The following SUPT3H variants were observed in gnomAD, a reference collection of about 807,000 sequenced individuals.
SUPT3H encodes transcription initiation protein SPT3 homolog.
SUPT3H carries 44 observed loss-of-function variants against 44.3 expected under a neutral mutation model. The ratio of observed to expected loss-of-function variants is 0.99; its 90% CI spans 0.78 to 1.28. SUPT3H has a LOEUF of 1.28. SUPT3H is among the 50% of genes most tolerant of loss of function. The probability of loss-of-function intolerance (pLI) is 0.00; values close to 1 mark genes in which losing one functional copy is unlikely to be tolerated. For synonymous variants in SUPT3H, 124 were observed against 125.6 expected (o/e 0.99, Z 0.09); for missense variants, 380 against 387.1 (o/e 0.98, Z 0.15).
At chr6:45,241,378 G>A (rs140412010) in intron 2 of SUPT3H, among the ~76,000 whole-genome samples, 218 of 152,284 alleles carry the variant, frequency 1.4e-3, no homozygotes, top group African/African-American at 4.7e-3. Context: ...ACTTAAAGGC[G>A]TTCTTAAACC....
chr6:45,175,546 C>A (rs1584027804), intron 2 of SUPT3H, among the ~76,000 whole-genome samples: 1 of 152,218 alleles, frequency 6.6e-6, no homozygotes, highest in Admixed American at 6.5e-5. Flanking sequence ...GGACACAAAG[C>A]CTAGCCATAT....
chr6:45,300,910 T>C (rs776628714), intron 2 of SUPT3H, among the ~76,000 whole-genome samples: 1 of 152,098 alleles, frequency 6.6e-6, no homozygotes, highest in African/African-American at 2.4e-5. Flanking sequence ...GCAACAAAAC[T>C]GTGGGTTCAG....
intron 2 of SUPT3H, among the ~76,000 whole-genome samples, chr6:45,359,553 T>C (rs1793861314): frequency 2.0e-5 from 3 of 152,170 alleles, no homozygotes; most frequent in Admixed American, 2.0e-4. Flanking sequence ...AAAAGTAGGA[T>C]AGACATTTAA....
At chr6:45,325,200 T>C (rs1786159854) in intron 2 of SUPT3H, among the ~76,000 whole-genome samples, 1 of 151,884 alleles carries the variant, frequency 6.6e-6, no homozygotes, top group Admixed American at 6.6e-5. Flanking sequence ...CATTTTCTCC[T>C]TTGTTTTTCA....
In SUPT3H at chr6:44,827,213, A is replaced by G. The variant is rs1049351109; in HGVS notation, c.*2603T>C. 1.3e-5 allele frequency among the ~76,000 whole-genome samples: 2 copies of G among 152,188 alleles called. No homozygotes were observed. The highest frequency in any genetic ancestry group is 2.4e-5 in the African/African-American group (1 of 41,454). ...CTTAGAGTTAAGCCTGATGTGTAAGATAACAGACTGTTTACTTAATACCAC... is the reference window on the plus strand; with the variant it reads ...CTTAGAGTTAAGCCTGATGTGTAAGGTAACAGACTGTTTACTTAATACCAC... On this transcript the variant is annotated 3_prime_UTR_variant, in exon 11 of 11. Coordinates refer to ENST00000371459, the MANE Select transcript of SUPT3H (RefSeq NM_003599.4).
At chr6:45,225,641 G>A (rs184271079) in intron 2 of SUPT3H, among the ~76,000 whole-genome samples, 1 of 152,060 alleles carries the variant, frequency 6.6e-6, no homozygotes, top group East Asian at 1.9e-4. Flanking sequence ...ATGTTTTTTG[G>A]CAACCCTGCA....
At chr6:44,886,245 C>G (rs1181088401) in intron 10 of SUPT3H, among the ~76,000 whole-genome samples, 2 of 151,992 alleles carry the variant, frequency 1.3e-5, no homozygotes, top group South Asian at 2.1e-4. Context: ...GGCCAACGTT[C>G]AGATTCAGGA....
At chr6:45,120,515 A>C (rs548919324) in intron 2 of SUPT3H, among the ~76,000 whole-genome samples, 1 of 151,874 alleles carries the variant, frequency 6.6e-6, no homozygotes, top group Non-Finnish European at 1.5e-5. Flanking sequence ...AATTGGAAAT[A>C]ACTTTTTGAC....
chr6:45,309,650 A>T (rs1409555125), intron 2 of SUPT3H, among the ~76,000 whole-genome samples: 4 of 152,166 alleles, frequency 2.6e-5, no homozygotes, highest in East Asian at 1.9e-4. Context: ...AGGGAAAAAA[A>T]TCTCCCATCA....
intron 2 of SUPT3H, among the ~76,000 whole-genome samples, chr6:45,322,558 C>G (rs1785671761): frequency 6.6e-6 from 1 of 151,918 alleles, no homozygotes; most frequent in Non-Finnish European, 1.5e-5. Context: ...TATTCTAGCG[C>G]TTCATTTTCA....
intron 2 of SUPT3H, among the ~76,000 whole-genome samples, chr6:45,202,555 G>A (rs1182772497): frequency 1.3e-5 from 2 of 151,970 alleles, no homozygotes; most frequent in Non-Finnish European, 2.9e-5. Flanking sequence ...GTATAACGTA[G>A]TCAAATATCC....
rs148487673 is a variant in SUPT3H at position 45,256,979 on chromosome 6, G to A, written c.101+108222C>T. ...AGATGTAGAATTGCTAGGTCATGTC[G>A]TAATTCGACGTTTAATGGTTTGAGG... On this transcript the variant is annotated intron_variant, in intron 2 of 10. Coordinates refer to ENST00000371459, the MANE Select transcript of SUPT3H (RefSeq NM_003599.4). 6.6e-3 allele frequency among the ~76,000 whole-genome samples: 1,008 copies of A among 152,238 alleles called. 12 individuals are homozygous for A. The highest frequency in any genetic ancestry group is 0.034 in the Middle Eastern group (10 of 294).
At chr6:44,870,937 G>A (rs1028180144) in intron 10 of SUPT3H, among the ~76,000 whole-genome samples, 1 of 151,516 alleles carries the variant, frequency 6.6e-6, no homozygotes. Flanking sequence ...GCGCTTTTCA[G>A]ACCGGCTTAA....
intron 3 of SUPT3H, among the ~76,000 whole-genome samples, chr6:45,063,824 T>C (rs1489615270): frequency 1.4e-5 from 2 of 140,716 alleles, no homozygotes; most frequent in Non-Finnish European, 3.1e-5. Context: ...AGACCAAATC[T>C]ACGTCTGATT....
At chr6:45,310,851 T>G (rs906895061) in intron 2 of SUPT3H, among the ~76,000 whole-genome samples, 23 of 152,202 alleles carry the variant, frequency 1.5e-4, no homozygotes, top group Middle Eastern at 3.4e-3. Context: ...TCAACCCTGG[T>G]AATATGACAA....
intron 10 of SUPT3H, among the ~76,000 whole-genome samples, chr6:44,924,785 G>T (rs1474733512): frequency 6.6e-6 from 1 of 151,774 alleles, no homozygotes; most frequent in African/African-American, 2.4e-5. Context: ...ACATATGTTT[G>T]GTTTCCAATC....
intron 10 of SUPT3H, among the ~76,000 whole-genome samples, chr6:44,906,773 A>G (rs376278641): frequency 5.9e-5 from 9 of 152,178 alleles, no homozygotes; most frequent in East Asian, 5.8e-4. Context: ...AAAAACAAAC[A>G]AAAAAAATTC....
At chr6:45,116,659 CTTACT>C (rs1383907228) in intron 2 of SUPT3H, among the ~76,000 whole-genome samples, 3 of 152,088 alleles carry the variant, frequency 2.0e-5, no homozygotes, top group Non-Finnish European at 2.9e-5. Context: ...ATGAAGAAAG[CTTACT>C]TTAAAGGTCT....
chr6:44,855,022 T>TC (rs1201710813), intron 10 of SUPT3H, among the ~76,000 whole-genome samples: 1 of 152,196 alleles, frequency 6.6e-6, no homozygotes, highest in East Asian at 1.9e-4. Context: ...ATCATAGAGT[T>TC]CATTTTTCAC....
Sources: gnomAD v4.1 joint callset for allele counts (sites outside exome capture counted in the v4.1 genomes callset) on GRCh38, gnomAD v4.1.1 for gene constraint, MANE v1.5 for transcripts, NCBI Gene and HGNC (gene_info 2026-07-23, HGNC 2026-07-21) for gene names.